The following NR5A2 variants were observed in gnomAD, a reference collection of about 807,000 sequenced individuals.
NR5A2 encodes nuclear receptor subfamily 5 group A member 2.
In NR5A2, 26 loss-of-function variants were observed where a neutral mutation model predicts 62.7. The ratio of observed to expected loss-of-function variants is 0.41; its 90% CI spans 0.30 to 0.58. NR5A2 has a LOEUF of 0.58. Ranked by LOEUF, NR5A2 falls within the 20% of genes least tolerant of loss-of-function variation. The pLI is 0.22. For missense variants in NR5A2, 541 were observed against 669.1 expected, an observed-to-expected ratio of 0.81 and a Z score of 2.11; for synonymous variants, 246 against 241.7, an observed-to-expected ratio of 1.02 and a Z score of -0.16.
chr1:200,048,072 C>T lies in NR5A2; in HGVS notation c.464-100C>T. The stretch of plus-strand genomic sequence containing the variant: ...TGTAACGAAAACAACCACACACATA[C>T]CACTTCTTGTCGATTTACATTTCTA... On this transcript the variant is annotated intron_variant, in intron 4 of 7. Transcript: ENST00000367362. The surrounding 1 kb of genome is among the most constrained non-coding windows in gnomAD (Gnocchi z 4.8). The T allele has an allele frequency of 8.7e-7, 1 of 1,143,352 alleles. No individual in the cohort carries two copies. Among genetic ancestry groups the T allele is most frequent in the Non-Finnish European group, 1.2e-6 (1 of 802,910 alleles). 70.8% of individuals were successfully genotyped at this position (1,143,352 alleles called of 1,614,324 possible). A position where few individuals can be genotyped will look rare whatever the true frequency, so the allele number is the denominator to read the frequency against.
At chr1:200,158,368 A>G (rs985372584) in intron 7 of NR5A2, among the ~76,000 whole-genome samples, 1 of 152,242 alleles carries the variant, frequency 6.6e-6, no homozygotes, top group African/African-American at 2.4e-5. Context: ...CAAGGGGTTT[A>G]ATAAAAATTC....
At chr1:200,152,910 G>C (rs536375007) in intron 7 of NR5A2, among the ~76,000 whole-genome samples, 7 of 152,330 alleles carry the variant, frequency 4.6e-5, no homozygotes, top group African/African-American at 1.4e-4. Flanking sequence ...AGAGGATGCT[G>C]AGAAACTGGC....
intron 5 of NR5A2, among the ~76,000 whole-genome samples, chr1:200,054,641 G>T (rs2102180714): frequency 6.6e-6 from 1 of 152,314 alleles, no homozygotes; most frequent in Non-Finnish European, 1.5e-5. Context: ...GGGAGTTTGT[G>T]CCAAAGGAAT....
chr1:200,159,853 A>G (rs559795617), intron 7 of NR5A2, among the ~76,000 whole-genome samples: 6 of 152,088 alleles, frequency 3.9e-5, no homozygotes, highest in African/African-American at 9.6e-5. Flanking sequence ...GGGTTTCACC[A>G]TGTTGCCCAA....
At chr1:200,097,730 G>T (rs1470889096) in intron 5 of NR5A2, among the ~76,000 whole-genome samples, 1 of 152,216 alleles carries the variant, frequency 6.6e-6, no homozygotes, top group African/African-American at 2.4e-5. Context: ...ATTCAACAGG[G>T]CAATGCTGAC....
At chr1:200,035,277 G>A (rs1055309702) in intron 1 of NR5A2, among the ~76,000 whole-genome samples, 1 of 152,164 alleles carries the variant, frequency 6.6e-6, no homozygotes, top group African/African-American at 2.4e-5. Context: ...AAGAGAAGAC[G>A]GGAGAAATTG....
At chr1:200,077,101 A>G (rs1664076982) in intron 5 of NR5A2, among the ~76,000 whole-genome samples, 1 of 152,258 alleles carries the variant, frequency 6.6e-6, no homozygotes, top group Non-Finnish European at 1.5e-5. Flanking sequence ...ATAAATTTTA[A>G]TCTACAAATG....
At chr1:200,152,725 ATT>A (rs1653187853) in intron 7 of NR5A2, among the ~76,000 whole-genome samples, 1 of 151,612 alleles carries the variant, frequency 6.6e-6, no homozygotes, top group Non-Finnish European at 1.5e-5. Context: ...TTTTTTTTCT[ATT>A]TCGTTTTTCT....
intron 7 of NR5A2, among the ~76,000 whole-genome samples, chr1:200,131,668 C>T (rs1053806533): frequency 3.3e-5 from 5 of 152,134 alleles, no homozygotes; most frequent in African/African-American, 9.7e-5. Flanking sequence ...CTCAGAAGAG[C>T]GTAGTTGGTT....
intron 7 of NR5A2, among the ~76,000 whole-genome samples, chr1:200,134,042 G>A (rs1435832744): frequency 1.3e-5 from 2 of 151,490 alleles, no homozygotes; most frequent in African/African-American, 2.4e-5. Context: ...AAAGCTTATC[G>A]AATAAGCATA....
Position 200,073,038 on chromosome 1 carries a change from T to C in NR5A2, c.1110+24220T>C, listed in dbSNP as rs144985416. Among the ~76,000 whole-genome samples the C allele has an allele frequency of 4.5e-4, 69 of 152,180 alleles. No homozygotes were observed. In the East Asian group the frequency reaches 6.6e-3, roughly 14 times the overall value. ...GATGAAGAATTTTATCTTTACTTCC[T>C]TACGAAAATCAGCGTTGATTGCTTG... On this transcript the variant is annotated intron_variant, in intron 5 of 7. Transcript: ENST00000367362.
intron 7 of NR5A2, among the ~76,000 whole-genome samples, chr1:200,145,333 C>CAA: frequency 6.6e-6 from 1 of 151,906 alleles, no homozygotes; most frequent in Non-Finnish European, 1.5e-5. Flanking sequence ...TTAGAACTAC[C>CAA]AAATTGGAAT....
chr1:200,127,687 A>ATATAT (rs1390979970), intron 7 of NR5A2, among the ~76,000 whole-genome samples: 2 of 56,306 alleles, frequency 3.6e-5, no homozygotes, highest in African/African-American at 1.3e-4. Flanking sequence ...AAAAAAAAAA[A>ATATAT]AAAAAAAAAA....
At chr1:200,056,700 T>A (rs751037388) in intron 5 of NR5A2, among the ~76,000 whole-genome samples, 25 of 152,166 alleles carry the variant, frequency 1.6e-4, no homozygotes, top group Admixed American at 3.9e-4. Context: ...GGCGCTGGGA[T>A]ATTTGGTAAG....
In NR5A2 at chr1:200,048,256, A is replaced by G; in HGVS notation, c.548A>G (p.Lys183Arg). Residue 183 changes from lysine to arginine, a missense_variant, in exon 5 of 8, where the codon AAA (lysine) becomes AGA (arginine). Lys to Arg is a conservative substitution (Grantham distance 26). Transcript: ENST00000367362. This position sits in a 1 kb window ranked among gnomAD's most constrained non-coding sequence, Gnocchi z 4.8. Reference protein sequence around the residue: ...KRDRALKQQKKALIRANGLKL... With the variant: ...KRDRALKQQKRALIRANGLKL... Reference sequence around the variant, plus strand: ...GACAGGGCCCTGAAGCAACAGAAAAAAGCCCTCATCCGAGCCAATGGACTT... The same window carrying G: ...GACAGGGCCCTGAAGCAACAGAAAAGAGCCCTCATCCGAGCCAATGGACTT... 6.2e-7 allele frequency: 1 copy of G among 1,614,096 alleles called. No individual in the cohort carries two copies. The highest frequency in any genetic ancestry group is 8.5e-7 in the Non-Finnish European group (1 of 1,180,030).
intron 4 of NR5A2, among the ~76,000 whole-genome samples, chr1:200,046,100 T>C (rs2248673): frequency 0.096 from 14,605 of 152,178 alleles, 747 homozygotes; most frequent in Middle Eastern, 0.2. Context: ...TAGGATATTA[T>C]CTTTGATAGT....
rs532976565 is a variant in NR5A2 at position 200,086,362 on chromosome 1, G to A, written c.1111-24840G>A. Among the ~76,000 whole-genome samples the A allele has an allele frequency of 4.5e-4, 69 of 152,164 alleles. No individual in the cohort carries two copies. The South Asian group carries it at 6.2e-3, about 14-fold the overall frequency. ...CTTGTTGCCCAGGCTGGAGTGCAGT[G>A]GCACAATCTCAGCTCACCGCAACCT... On this transcript the variant is annotated intron_variant, in intron 5 of 7. Transcript: ENST00000367362.
intron 5 of NR5A2, among the ~76,000 whole-genome samples, chr1:200,076,386 T>C (rs1341000903): frequency 6.6e-6 from 1 of 152,076 alleles, no homozygotes; most frequent in East Asian, 1.9e-4. Context: ...GTCGATACTA[T>C]GTGGCAACTT....
At chr1:200,144,565 T>A (rs1312707205) in intron 7 of NR5A2, among the ~76,000 whole-genome samples, 2 of 152,228 alleles carry the variant, frequency 1.3e-5, no homozygotes, top group Non-Finnish European at 2.9e-5. Context: ...AGAATTTCCC[T>A]CTTCTATTAA....
Sources: gnomAD v4.1 joint callset for allele counts (sites outside exome capture counted in the v4.1 genomes callset) on GRCh38, gnomAD v4.1.1 for gene constraint, Gnocchi (gnomAD v3.1) non-coding constraint, MANE v1.5 for transcripts, NCBI Gene and HGNC (gene_info 2026-07-23, HGNC 2026-07-21) for gene names.